The following ARID1A variants were observed in gnomAD, a reference collection of about 807,000 sequenced individuals.
The protein encoded by ARID1A is AT-rich interaction domain 1A, also known as AT-rich interactive domain-containing protein 1A.
In ARID1A, 20 loss-of-function variants were observed where a neutral mutation model predicts 212.6. The observed-to-expected ratio is 0.09, with a 90% CI of 0.07 to 0.14. The LOEUF is 0.14. Among genes scored for constraint, ARID1A ranks in the 10% least tolerant of loss-of-function variants. The probability of loss-of-function intolerance (pLI) is 1.00; values close to 1 mark genes in which losing one functional copy is unlikely to be tolerated. For synonymous variants in ARID1A, 1,376 were observed against 1,222.1 expected (o/e 1.13, Z -2.63); for missense variants, 2,587 against 3,059.0 (o/e 0.85, Z 3.64).
intron 19 of ARID1A, chr1:26,778,105 TCA>T (rs1420829821): frequency 2.7e-5 from 4 of 145,758 alleles, no homozygotes; most frequent in South Asian, 4.3e-4. Context: ...ACACACACTC[TCA>T]CACACTAGCC....
At chr1:26,701,397 G>T in intron 1 of ARID1A, among the ~76,000 whole-genome samples, 1 of 152,098 alleles carries the variant, frequency 6.6e-6, no homozygotes, top group East Asian at 1.9e-4. Context: ...GTTTAGATTG[G>T]TCATTATCAT....
chr1:26,766,018 G>T, intron 8 of ARID1A: 1 of 593,468 alleles, frequency 1.7e-6, no homozygotes. Flanking sequence ...TTCCAGCCAG[G>T]GTGCCAGAGC....
At chr1:26,761,201 C>T (rs1311902417) in intron 5 of ARID1A, 105 bp downstream of exon 5, 18 of 1,518,140 alleles carry the variant, frequency 1.2e-5, no homozygotes, top group Non-Finnish European at 1.6e-5. Context: ...CTGGCTCATG[C>T]CTGCATAGTT....
At chr1:26,705,785 G>A (rs370833598) in intron 1 of ARID1A, among the ~76,000 whole-genome samples, 57 of 152,304 alleles carry the variant, frequency 3.7e-4, no homozygotes, top group African/African-American at 1.2e-3. Context: ...AGGGACATCT[G>A]AATGAACTTC....
intron 5 of ARID1A, 132 bp downstream of exon 5, chr1:26,761,228 A>G: frequency 6.8e-7 from 1 of 1,478,700 alleles, no homozygotes; most frequent in Non-Finnish European, 9.1e-7. Context: ...TAGCATTTGG[A>G]GAAGGAGATT....
chr1:26,713,912 T>G (rs890998996), intron 1 of ARID1A, among the ~76,000 whole-genome samples: 1 of 152,226 alleles, frequency 6.6e-6, no homozygotes, highest in Non-Finnish European at 1.5e-5. Flanking sequence ...AATTGGCTTC[T>G]TTAAAACTCC....
chr1:26,761,263 G>A (rs757867708), intron 5 of ARID1A, 121 bp from the exon 6 acceptor site: 31 of 1,450,444 alleles, frequency 2.1e-5, no homozygotes, highest in African/African-American at 2.8e-5. Flanking sequence ...GGATCTCTTT[G>A]TGTGTGATAC....
chr1:26,729,850 C>G lies in ARID1A; in HGVS notation c.1337C>G (p.Ser446Cys). ...GRAQSAMGGL[S>C]YTQQIPPYGQ... Reference sequence around the variant, plus strand: ...GCGCAGAGTGCCATGGGCGGCCTCTCTTATACACAGCAGGTAGATGGTGAT... The same window carrying G: ...GCGCAGAGTGCCATGGGCGGCCTCTGTTATACACAGCAGGTAGATGGTGAT... The change falls in exon 2 of 20, where the codon TCT (serine) becomes TGT (cysteine). Residue 446 changes from serine (S) to cysteine (C), a missense_variant. Around this residue, in one of 11 missense-constraint regions of ARID1A, gnomAD observed 674 missense variants for 813.4 expected, o/e 0.83. Transcript: ENST00000324856. 5 of 1,613,976 alleles carry G rather than the reference C, an allele frequency of 3.1e-6. No individual in the cohort carries two copies. Among genetic ancestry groups the G allele is most frequent in the Non-Finnish European group, 4.2e-6 (5 of 1,179,954 alleles).
chr1:26,779,922 G>A lies in ARID1A; in HGVS notation c.6024G>A (p.Leu2008=), dbSNP rs1391010552. 1 of 1,614,148 alleles carries A rather than the reference G, an allele frequency of 6.2e-7. No homozygotes were observed. Among genetic ancestry groups the A allele is most frequent in the African/African-American group, 1.3e-5 (1 of 75,038 alleles). ...AGATGTCCAAACACCCAGGGCTGCT[G>A]CTCATCCTGGGCAAGCTGATCCTGC... ...DFEMSKHPGL[L]LILGKLILLH... Residue 2008 remains leucine, a synonymous_variant, in exon 20 of 20, where the codon CTG becomes CTA. Transcript: ENST00000324856.
intron 4 of ARID1A, among the ~76,000 whole-genome samples, chr1:26,757,004 A>G (rs531599549): frequency 2.0e-5 from 3 of 152,134 alleles, no homozygotes; most frequent in African/African-American, 4.8e-5. Flanking sequence ...GCCCGGCCCA[A>G]TATCTGAAAT....
intron 4 of ARID1A, among the ~76,000 whole-genome samples, chr1:26,737,012 G>A (rs1206569121): frequency 6.6e-6 from 1 of 151,950 alleles, no homozygotes; most frequent in Non-Finnish European, 1.5e-5. Flanking sequence ...TGCTAACACA[G>A]GTAAAACTTT....
At chr1:26,699,819 G>T (rs984805505) in intron 1 of ARID1A, among the ~76,000 whole-genome samples, 6 of 152,014 alleles carry the variant, frequency 3.9e-5, no homozygotes, top group African/African-American at 1.4e-4. Flanking sequence ...TTGGAATTCT[G>T]CTGGTTTGGA....
chr1:26,771,525 T>G lies in ARID1A; in HGVS notation c.3406+199T>G. The G allele has an allele frequency of 1.7e-6, 1 of 598,344 alleles. No individual in the cohort carries two copies. The highest frequency in any genetic ancestry group is 2.9e-6 in the Non-Finnish European group (1 of 343,806). 37.1% of individuals were successfully genotyped at this position (598,344 alleles called of 1,614,324 possible). A position where few individuals can be genotyped will look rare whatever the true frequency, so the allele number is the denominator to read the frequency against. On this transcript the variant is annotated intron_variant, in intron 12 of 19. Coordinates refer to ENST00000324856, the MANE Select transcript of ARID1A (RefSeq NM_006015.6). This position sits in a 1 kb window ranked among gnomAD's most constrained non-coding sequence, Gnocchi z 5.4. ...CCCTTGGGAGGTACTCTACGGCAGC[T>G]CTTAAGTTTTAATTTTTGTTGTGCA...
In ARID1A at chr1:26,767,796, A is replaced by T. The variant is rs2124085884; in HGVS notation, c.2995A>T (p.Ser999Cys). Reference protein sequence around the residue: ...PKTESKSKKSSSSTTTNEKIT... With the variant: ...PKTESKSKKSCSSTTTNEKIT... ...TTTGACCTGAACCTTCCAGAAATCC[A>T]GTTCTTCTACTACAACCAATGAGAA... Residue 999 changes from serine to cysteine, a missense_variant, in exon 11 of 20, where the codon AGT becomes TGT. Ser to Cys is a moderately radical substitution (Grantham distance 112). Coordinates refer to ENST00000324856, the MANE Select transcript of ARID1A (RefSeq NM_006015.6). 1 of 1,612,914 alleles carries T rather than the reference A, an allele frequency of 6.2e-7. No homozygotes were observed. The highest frequency in any genetic ancestry group is 1.1e-5 in the South Asian group (1 of 90,980).
At chr1:26,728,493 A>G (rs2080640475) in intron 1 of ARID1A, among the ~76,000 whole-genome samples, 1 of 152,164 alleles carries the variant, frequency 6.6e-6, no homozygotes, top group African/African-American at 2.4e-5. Context: ...ATAGAACTGG[A>G]AGGAACCCTA....
At chr1:26,730,584 TA>T (rs2080665648) in intron 2 of ARID1A, among the ~76,000 whole-genome samples, 2 of 152,222 alleles carry the variant, frequency 1.3e-5, no homozygotes, top group South Asian at 2.1e-4. Context: ...TAATTTTATT[TA>T]TTTTTTTTAT....
At chr1:26,752,464 C>G (rs1048843642) in intron 4 of ARID1A, among the ~76,000 whole-genome samples, 4 of 152,292 alleles carry the variant, frequency 2.6e-5, no homozygotes, top group South Asian at 2.1e-4. Flanking sequence ...TACAAGTGTT[C>G]AGTAGAGGTA....
At chr1:26,778,263 C>G (rs1394584218) in intron 19 of ARID1A, 1 of 127,144 alleles carries the variant, frequency 7.9e-6, no homozygotes, top group African/African-American at 2.9e-5. Context: ...GACTTCATCT[C>G]AAAAAAAAAA....
At chr1:26,745,787 C>T (rs1246529387) in intron 4 of ARID1A, among the ~76,000 whole-genome samples, 1 of 152,228 alleles carries the variant, frequency 6.6e-6, no homozygotes, top group African/African-American at 2.4e-5. Flanking sequence ...CACGGTAGCT[C>T]ACACCTGTAA....
Sources: gnomAD v4.1 joint callset for allele counts (sites outside exome capture counted in the v4.1 genomes callset) on GRCh38, gnomAD v4.1.1 for gene constraint, gnomAD v4.1.1 regional missense constraint, Gnocchi (gnomAD v3.1) non-coding constraint, MANE v1.5 for transcripts, NCBI Gene and HGNC (gene_info 2026-07-23, HGNC 2026-07-21) for gene names.